Variants in NXPE3 observed in about 807,000 individuals in gnomAD.
NXPE3 encodes NXPE family member 3.
NXPE3 carries 26 observed loss-of-function variants against 46.1 expected under a neutral mutation model. That is an observed-to-expected ratio of 0.56 (90% CI 0.41 to 0.78). The LOEUF (loss-of-function observed/expected upper bound fraction) is 0.78. NXPE3 is among the 30% of genes least tolerant of loss of function. NXPE3 has a pLI of 0.00. For missense variants in NXPE3, 620 were observed against 686.0 expected, an observed-to-expected ratio of 0.90 and a Z score of 1.07; for synonymous variants, 272 against 257.9, an observed-to-expected ratio of 1.05 and a Z score of -0.52.
rs187944335 is a variant in NXPE3 at position 101,784,987 on chromosome 3, A to G, written c.-195-415A>G. ...GCACAGTATCCCAGAGCTCTTCATG[A>G]AAACAGTTTCCTCTTCATGTTCTTT... On this transcript the variant is annotated intron_variant, in intron 3 of 7. Transcript: ENST00000273347. 5.1e-4 allele frequency among the ~76,000 whole-genome samples: 77 copies of G among 152,338 alleles called. No individual in the cohort carries two copies. In the East Asian group the frequency reaches 0.014, roughly 27 times the overall value.
At chr3:101,790,435 T>C (rs1417141964) in intron 4 of NXPE3, among the ~76,000 whole-genome samples, 1 of 152,230 alleles carries the variant, frequency 6.6e-6, no homozygotes, top group Non-Finnish European at 1.5e-5. Context: ...TTTAGAATTG[T>C]GTCCTCTTGA....
At chr3:101,783,607 A>G (rs1393660108) in intron 3 of NXPE3, among the ~76,000 whole-genome samples, 1 of 152,116 alleles carries the variant, frequency 6.6e-6, no homozygotes, top group African/African-American at 2.4e-5. Flanking sequence ...TTTCTGCATC[A>G]CTGACAGCTG....
chr3:101,787,502 A>G (rs1382456964), intron 4 of NXPE3, among the ~76,000 whole-genome samples: 7 of 152,090 alleles, frequency 4.6e-5, no homozygotes, highest in African/African-American at 7.2e-5. Context: ...AGATGGCGTT[A>G]TGCCATTTGA....
chr3:101,825,826 A>G lies in NXPE3; in HGVS notation c.*3872A>G, dbSNP rs1942467557. 1 of 152,256 alleles carries G rather than the reference A, an allele frequency of 6.6e-6. No individual in the cohort carries two copies. The highest frequency in any genetic ancestry group is 6.5e-5 in the Admixed American group (1 of 15,292). 9.4% of individuals were successfully genotyped at this position (152,256 alleles called of 1,614,324 possible). A position where few individuals can be genotyped will look rare whatever the true frequency, so the allele number is the denominator to read the frequency against. On this transcript the variant is annotated 3_prime_UTR_variant, in exon 8 of 8. Coordinates refer to ENST00000273347, the MANE Select transcript of NXPE3 (RefSeq NM_145037.4). The stretch of plus-strand genomic sequence containing the variant: ...TGAATTTCTATTTTGGAATGAAAGT[A>G]TTAATTTAATGTAGTGAATCTCATA...
chr3:101,819,274 ATCT>A (rs760550254), intron 7 of NXPE3, among the ~76,000 whole-genome samples: 4 of 152,198 alleles, frequency 2.6e-5, no homozygotes, highest in African/African-American at 7.2e-5. Context: ...TATGAGACAC[ATCT>A]TCTTTCCTCA....
intron 3 of NXPE3, among the ~76,000 whole-genome samples, chr3:101,783,495 C>T (rs1417411174): frequency 6.6e-6 from 1 of 152,210 alleles, no homozygotes; most frequent in African/African-American, 2.4e-5. Context: ...CACAATCCTC[C>T]TAAATTATTG....
intron 5 of NXPE3, among the ~76,000 whole-genome samples, chr3:101,806,616 A>G (rs1941430615): frequency 6.6e-6 from 1 of 152,212 alleles, no homozygotes; most frequent in Admixed American, 6.5e-5. Flanking sequence ...CTGGGGGGCA[A>G]GTGTCCCCAC....
At chr3:101,817,072 G>C in intron 7 of NXPE3, 71 bp downstream of exon 7, 1 of 1,356,912 alleles carries the variant, frequency 7.4e-7, no homozygotes, top group East Asian at 2.3e-5. Flanking sequence ...TCACTCAGGT[G>C]CCTGAAGAAA....
chr3:101,821,773 G>C lies in NXPE3; in HGVS notation c.1499G>C (p.Trp500Ser). The change falls in exon 8 of 8, where the codon TGG becomes TCG. Residue 500 changes from tryptophan to serine, a missense_variant. Trp to Ser is a radical substitution (Grantham distance 177). Coordinates refer to ENST00000273347, the MANE Select transcript of NXPE3 (RefSeq NM_145037.4). ...GPEVSLFNSD[W>S]YNFQLDTILR... ...GAGGTGAGCCTTTTCAACAGCGACT[G>C]GTACAACTTTCAGCTGGACACCATC... 1 of 1,614,198 alleles carries C rather than the reference G, an allele frequency of 6.2e-7. No homozygotes were observed. The highest frequency in any genetic ancestry group is 1.7e-5 in the Admixed American group (1 of 60,026).
rs1348773342 is a variant in NXPE3 at position 101,825,680 on chromosome 3, G to A, written c.*3726G>A. On this transcript the variant is annotated 3_prime_UTR_variant, in exon 8 of 8. Coordinates refer to ENST00000273347, the MANE Select transcript of NXPE3 (RefSeq NM_145037.4). ...ATAGTCTTCATAAGTTAATTATAAA[G>A]ATCTGCTTAATAGTTCTGCTACTGC... The A allele has an allele frequency of 6.6e-6, 1 of 152,078 alleles. No individual in the cohort carries two copies. Among genetic ancestry groups the A allele is most frequent in the Admixed American group, 6.5e-5 (1 of 15,274 alleles). The allele number at this position is 152,078 out of a possible 1,614,324, so 9.4% of individuals were successfully genotyped here.
In NXPE3 at chr3:101,823,155, T is replaced by C. The variant is rs1342200823; in HGVS notation, c.*1201T>C. 2 of 152,266 alleles carry C rather than the reference T, an allele frequency of 1.3e-5. No homozygotes were observed. Among genetic ancestry groups the C allele is most frequent in the African/African-American group, 4.8e-5 (2 of 41,538 alleles). The allele number at this position is 152,266 out of a possible 1,614,324, so 9.4% of individuals were successfully genotyped here. Reference sequence around the variant, plus strand: ...TGAGCTGTGATAGATTATAGTCTAGTTTAAGTTGCTCCTAAGTAGACAGAT... The same window carrying C: ...TGAGCTGTGATAGATTATAGTCTAGCTTAAGTTGCTCCTAAGTAGACAGAT... On this transcript the variant is annotated 3_prime_UTR_variant, in exon 8 of 8. Coordinates refer to ENST00000273347, the MANE Select transcript of NXPE3 (RefSeq NM_145037.4).
intron 4 of NXPE3, among the ~76,000 whole-genome samples, chr3:101,797,644 A>G (rs1243507328): frequency 1.1e-5 from 1 of 93,098 alleles, no homozygotes; most frequent in East Asian, 2.9e-4. Context: ...CTCATTGTTC[A>G]ATTCCCACCT....
At chr3:101,794,485 G>T (rs752122059) in intron 4 of NXPE3, among the ~76,000 whole-genome samples, 1 of 152,160 alleles carries the variant, frequency 6.6e-6, no homozygotes, top group Non-Finnish European at 1.5e-5. Context: ...AGCCCAGGAG[G>T]TTTGTGTGGG....
intron 3 of NXPE3, among the ~76,000 whole-genome samples, chr3:101,783,596 C>T (rs1293451060): frequency 2.0e-5 from 3 of 152,198 alleles, no homozygotes; most frequent in Admixed American, 6.5e-5. Flanking sequence ...CCCTTGCCTT[C>T]TTTCTGCATC....
At chr3:101,812,301 G>C (rs1030883168) in intron 6 of NXPE3, among the ~76,000 whole-genome samples, 1 of 152,132 alleles carries the variant, frequency 6.6e-6, no homozygotes, top group African/African-American at 2.4e-5. Flanking sequence ...AGAATAATTT[G>C]ATACAGAATA....
At chr3:101,811,727 A>ATTTTTTTTTTTTTTT (rs33999838) in intron 6 of NXPE3, among the ~76,000 whole-genome samples, 1 of 98,622 alleles carries the variant, frequency 1.0e-5, no homozygotes, top group Non-Finnish European at 2.1e-5. Flanking sequence ...GCAGTAGTTA[A>ATTTTTTTTTTTTTTT]TTTTTTTTTT....
intron 6 of NXPE3, among the ~76,000 whole-genome samples, chr3:101,816,569 G>T (rs1941980796): frequency 6.6e-6 from 1 of 152,072 alleles, no homozygotes; most frequent in South Asian, 2.1e-4. Context: ...ATGACTTCCA[G>T]CTTCATCCAT....
rs1263065540 is a variant in NXPE3 at position 101,808,827 on chromosome 3, A to ATG, written c.922+1702_922+1703insGT. On this transcript the variant is annotated intron_variant, in intron 6 of 7. Coordinates refer to ENST00000273347, the MANE Select transcript of NXPE3 (RefSeq NM_145037.4). ...ATTACTAATTTTAGAGGATATATATATATATATATATATATATATATATAT... is the reference window on the plus strand; with the variant it reads ...ATTACTAATTTTAGAGGATATATATATGTATATATATATATATATATATATAT... 1.6e-4 allele frequency among the ~76,000 whole-genome samples: 15 copies of ATG among 93,746 alleles called. 1 individual carries two copies. In the South Asian group the frequency reaches 2.8e-3, roughly 18 times the overall value. 61.5% of individuals were successfully genotyped at this position (93,746 alleles called of 152,430 possible).
At chr3:101,812,463 A>G (rs1294658127) in intron 6 of NXPE3, among the ~76,000 whole-genome samples, 1 of 152,172 alleles carries the variant, frequency 6.6e-6, no homozygotes, top group Non-Finnish European at 1.5e-5. Context: ...ACCTGCCTCT[A>G]CGCTTATTGA....
Sources: allele counts gnomAD v4.1 joint callset (sites outside exome capture counted in the v4.1 genomes callset), GRCh38; gene constraint gnomAD v4.1.1; transcripts MANE v1.5; gene names NCBI Gene and HGNC (gene_info 2026-07-23, HGNC 2026-07-21).